The following UMAD1 variants were observed in gnomAD, a reference collection of about 807,000 sequenced individuals.
The protein encoded by UMAD1 is UBAP1-MVB12-associated (UMA)-domain containing protein 1.
UMAD1 carries 8 observed loss-of-function variants against 6.1 expected under a neutral mutation model. The ratio of observed to expected loss-of-function variants is 1.30; its 90% CI spans 0.76 to 2.35. The LOEUF (loss-of-function observed/expected upper bound fraction) is 2.35. Ranked by LOEUF, UMAD1 falls within the 30% of genes most tolerant of loss-of-function variation. UMAD1 has a pLI of 0.00. For missense variants in UMAD1, 130 were observed against 78.4 expected (o/e 1.66, Z -2.49); for synonymous variants, 56 against 31.4 (o/e 1.78, Z -2.61).
chr7:7,696,172 AT>A (rs1174900010), intron 2 of UMAD1, among the ~76,000 whole-genome samples: 2 of 151,602 alleles, frequency 1.3e-5, no homozygotes, highest in Non-Finnish European at 2.9e-5. Context: ...TGCCCAGCTA[AT>A]TTTTTTATTT....
chr7:7,719,937 A>T (rs1781010172), intron 2 of UMAD1, among the ~76,000 whole-genome samples: 1 of 152,212 alleles, frequency 6.6e-6, no homozygotes, highest in Non-Finnish European at 1.5e-5. Flanking sequence ...TGGGTCTTGA[A>T]CATTAAAGGT....
chr7:7,772,084 A>G (rs185985747), intron 2 of UMAD1, among the ~76,000 whole-genome samples: 2 of 152,288 alleles, frequency 1.3e-5, no homozygotes, highest in South Asian at 4.1e-4. Flanking sequence ...TTAAATTGTG[A>G]TTACTGTTTG....
intron 2 of UMAD1, among the ~76,000 whole-genome samples, chr7:7,683,668 G>C (rs1462310790): frequency 6.6e-6 from 1 of 151,560 alleles, no homozygotes; most frequent in African/African-American, 2.4e-5. Context: ...TGTTGCCCAG[G>C]CTGGAGTGCA....
Position 7,728,675 on chromosome 7 carries a change from G to A in UMAD1, c.82+55222G>A, listed in dbSNP as rs543129435. Among the ~76,000 whole-genome samples the A allele has an allele frequency of 1.3e-3, 202 of 151,988 alleles. 1 individual carries two copies. Among genetic ancestry groups the A allele is most frequent in the African/African-American group, 4.7e-3 (193 of 41,470 alleles). On this transcript the variant is annotated intron_variant, in intron 2 of 3. Coordinates refer to ENST00000682710, the MANE Select transcript of UMAD1 (RefSeq NM_001302348.2). Reference sequence around the variant, plus strand: ...AAAAAAAAAAACACCTATCTCAGAGGTTGATCCATGGATTAAATAAGTAGC... The same window carrying A: ...AAAAAAAAAAACACCTATCTCAGAGATTGATCCATGGATTAAATAAGTAGC...
intron 2 of UMAD1, among the ~76,000 whole-genome samples, chr7:7,680,975 C>A (rs1779895058): frequency 6.6e-6 from 1 of 151,848 alleles, no homozygotes. Context: ...TAGCATATAT[C>A]CACATAACTT....
chr7:7,844,913 T>C (rs1375640619), intron 3 of UMAD1, among the ~76,000 whole-genome samples: 9 of 152,200 alleles, frequency 5.9e-5, no homozygotes, highest in Non-Finnish European at 1.3e-4. Flanking sequence ...ATTTATACTT[T>C]AAAACAGTAG....
In UMAD1 at chr7:7,675,765, C is replaced by T. The variant is rs184853657; in HGVS notation, c.82+2312C>T. ...AACAGTCATGGTGAGGAATCACTTCCGTCGTAGTTCCAGGATAGCAGTTTA... is the reference window on the plus strand; with the variant it reads ...AACAGTCATGGTGAGGAATCACTTCTGTCGTAGTTCCAGGATAGCAGTTTA... On this transcript the variant is annotated intron_variant, in intron 2 of 3. Transcript: ENST00000682710. Among the ~76,000 whole-genome samples, 16 of 152,268 alleles carry T rather than the reference C, an allele frequency of 1.1e-4. 1 individual carries two copies. Among genetic ancestry groups the T allele is most frequent in the Admixed American group, 5.2e-4 (8 of 15,290 alleles).
At chr7:7,783,508 CTG>C (rs1782392963) in intron 2 of UMAD1, among the ~76,000 whole-genome samples, 1 of 151,846 alleles carries the variant, frequency 6.6e-6, no homozygotes, top group Non-Finnish European at 1.5e-5. Context: ...AATCAGGACA[CTG>C]TATTCAGATT....
chr7:7,653,983 AT>A (rs2115078734), intron 1 of UMAD1, among the ~76,000 whole-genome samples: 1 of 152,236 alleles, frequency 6.6e-6, no homozygotes, highest in East Asian at 1.9e-4. Context: ...GTAATATGAG[AT>A]TTCCCCCCTA....
At chr7:7,708,660 T>G (rs1470658234) in intron 2 of UMAD1, among the ~76,000 whole-genome samples, 1 of 152,330 alleles carries the variant, frequency 6.6e-6, no homozygotes, top group African/African-American at 2.4e-5. Flanking sequence ...AATATACTTT[T>G]CCTACTACTT....
At chr7:7,708,564 T>C (rs1051287840) in intron 2 of UMAD1, among the ~76,000 whole-genome samples, 2 of 152,298 alleles carry the variant, frequency 1.3e-5, no homozygotes, top group African/African-American at 4.8e-5. Context: ...ACTTGAAACA[T>C]TGAAAGGAAA....
intron 2 of UMAD1, among the ~76,000 whole-genome samples, chr7:7,674,988 T>C (rs1365143892): frequency 6.6e-6 from 1 of 152,072 alleles, no homozygotes; most frequent in African/African-American, 2.4e-5. Context: ...TCTGCTTTTT[T>C]CTGTTGTTTT....
chr7:7,724,376 G>A (rs1781102323), intron 2 of UMAD1, among the ~76,000 whole-genome samples: 1 of 152,124 alleles, frequency 6.6e-6, no homozygotes, highest in Non-Finnish European at 1.5e-5. Flanking sequence ...CATTTCCCCA[G>A]GGCCAGAATG....
chr7:7,654,729 C>T (rs1197154127), intron 1 of UMAD1, among the ~76,000 whole-genome samples: 4 of 152,024 alleles, frequency 2.6e-5, no homozygotes, highest in Middle Eastern at 3.4e-3. Context: ...ATGGTGAAAC[C>T]CCATCTCTAC....
chr7:7,817,229 G>A (rs1436908853), intron 3 of UMAD1, among the ~76,000 whole-genome samples: 1 of 152,112 alleles, frequency 6.6e-6, no homozygotes, highest in Non-Finnish European at 1.5e-5. Context: ...ATGCCATTTA[G>A]TCTCCCCTCT....
intron 2 of UMAD1, among the ~76,000 whole-genome samples, chr7:7,702,735 T>C (rs1177012329): frequency 6.6e-6 from 1 of 152,196 alleles, no homozygotes; most frequent in Non-Finnish European, 1.5e-5. Context: ...TGAAATGTGC[T>C]CCGGTGAGTA....
At chr7:7,730,199 T>C (rs545342993) in intron 2 of UMAD1, among the ~76,000 whole-genome samples, 1 of 152,226 alleles carries the variant, frequency 6.6e-6, no homozygotes, top group Non-Finnish European at 1.5e-5. Flanking sequence ...ATCACTTTTG[T>C]CTTAACTGGG....
rs1783443010 is a variant in UMAD1, at chr7:7,830,528, A to C, written c.156+28785A>C. Among the ~76,000 whole-genome samples, 1 of 151,228 alleles carries C rather than the reference A, an allele frequency of 6.6e-6. No homozygotes were observed. Among genetic ancestry groups the C allele is most frequent in the African/African-American group, 2.4e-5 (1 of 41,076 alleles). On this transcript the variant is annotated intron_variant, in intron 3 of 3. Transcript: ENST00000682710. The surrounding 1 kb of genome is among the most constrained non-coding windows in gnomAD (Gnocchi z 5.3). ...CTTTTTCGTTTCTTTTCTTTCTTTT[A>C]ACATGCGTGTTTTTCTTCTTTGCTC...
chr7:7,742,711 C>A, intron 2 of UMAD1: 1 of 232,682 alleles, frequency 4.3e-6, no homozygotes, highest in Non-Finnish European at 8.6e-6. Flanking sequence ...ATTTGAAATT[C>A]TGTATTTATT....
Sources: allele counts gnomAD v4.1 joint callset (sites outside exome capture counted in the v4.1 genomes callset), GRCh38; gene constraint gnomAD v4.1.1; non-coding constraint Gnocchi (gnomAD v3.1); transcripts MANE v1.5; gene names NCBI Gene and HGNC (gene_info 2026-07-23, HGNC 2026-07-21).